ZNF782: variants seen among roughly 807,000 people sequenced by gnomAD.
ZNF782 encodes the protein zinc finger protein 782.
In ZNF782, 12 loss-of-function variants were observed where a neutral mutation model predicts 13.0. The observed-to-expected ratio is 0.92, with a 90% CI of 0.59 to 1.50. The LOEUF is 1.50. ZNF782 is among the 40% of genes most tolerant of loss of function. The pLI, the probability that ZNF782 is intolerant of heterozygous loss-of-function variation, is 0.00. For missense variants in ZNF782, 770 were observed against 822.9 expected (o/e 0.94, Z 0.79); for synonymous variants, 284 against 283.0 (o/e 1.00, Z -0.04).
intron 5 of ZNF782, among the ~76,000 whole-genome samples, chr9:96,823,399 G>GT (rs939994288): frequency 1.1e-4 from 17 of 152,282 alleles, no homozygotes; most frequent in African/African-American, 4.1e-4. Flanking sequence ...AACACTTGCA[G>GT]TTTTTTGTTT....
chr9:96,822,832 T>A (rs888564877), intron 5 of ZNF782, among the ~76,000 whole-genome samples: 3 of 152,344 alleles, frequency 2.0e-5, no homozygotes, highest in African/African-American at 7.2e-5. Context: ...TACTCTTTGA[T>A]TAAATATGTT....
intron 5 of ZNF782, among the ~76,000 whole-genome samples, chr9:96,825,139 T>C (rs1850572772): frequency 6.6e-6 from 1 of 152,100 alleles, no homozygotes; most frequent in African/African-American, 2.4e-5. Context: ...GGCATCACAC[T>C]ACCTGACTTC....
At chr9:96,837,468 G>C (rs1851036860) in intron 4 of ZNF782, among the ~76,000 whole-genome samples, 1 of 151,076 alleles carries the variant, frequency 6.6e-6, no homozygotes, top group South Asian at 2.1e-4. Context: ...CAATTTTGTT[G>C]GTTTTTTAAA....
At chr9:96,911,365 G>T in the ZNF782 span, among the ~76,000 whole-genome samples, 1 of 140,240 alleles carries the variant, frequency 7.1e-6, no homozygotes, top group Non-Finnish European at 1.5e-5. Context: ...CATGAACCCG[G>T]GAGGCGGAGC....
chr9:96,819,753 T>A lies in ZNF782; in HGVS notation c.270A>T (p.Ser90=), dbSNP rs1850344555. The change falls in exon 6 of 6, where the codon TCA becomes TCT. Residue 90 remains serine, a synonymous_variant. Transcript: ENST00000481138. Reference sequence around the variant, plus strand: ...TGCCTTGATTTTCTGGGCTCTTCTCTGAGATTTCATCAGGTTGGGAGTCTT... The same window carrying A: ...TGCCTTGATTTTCTGGGCTCTTCTCAGAGATTTCATCAGGTTGGGAGTCTT... ...SPEDSQPDEI[S]EKSPENQGKH... is the part of the protein sequence containing the mutation. The A allele has an allele frequency of 1.2e-6, 2 of 1,605,328 alleles. No homozygotes were observed. Among genetic ancestry groups the A allele is most frequent in the Non-Finnish European group, 1.7e-6 (2 of 1,176,756 alleles).
chr9:96,931,679 C>T, the ZNF782 span: 2 of 1,607,776 alleles, frequency 1.2e-6, no homozygotes, highest in Non-Finnish European at 1.7e-6. Context: ...TAGAGTGGAC[C>T]TGGAGACGCC....
chr9:96,868,192 A>G (rs1037037283), intron 1 of ZNF782, among the ~76,000 whole-genome samples: 1 of 152,250 alleles, frequency 6.6e-6, no homozygotes, highest in Non-Finnish European at 1.5e-5. Flanking sequence ...AATTTGCATC[A>G]GGCTTTCCAA....
the ZNF782 span, among the ~76,000 whole-genome samples, chr9:96,925,191 C>T: frequency 2.3e-4 from 35 of 152,134 alleles, no homozygotes; most frequent in Non-Finnish European, 3.5e-4. Context: ...CCGCCCGCCT[C>T]GAGGCTCCTA....
At chr9:96,886,208 GAA>G in the ZNF782 span, among the ~76,000 whole-genome samples, 4 of 88,408 alleles carry the variant, frequency 4.5e-5, no homozygotes, top group Admixed American at 2.6e-4. Context: ...TTTAAGTACA[GAA>G]AAAAAAAAAA....
At chr9:96,926,410 T>C in the ZNF782 span, among the ~76,000 whole-genome samples, 441 of 152,378 alleles carry the variant, frequency 2.9e-3, no homozygotes, top group Non-Finnish European at 4.8e-3. Flanking sequence ...AAGTTTACCA[T>C]GATTTTGCTT....
At chr9:96,912,673 C>G in the ZNF782 span, among the ~76,000 whole-genome samples, 1 of 151,454 alleles carries the variant, frequency 6.6e-6, no homozygotes, top group Non-Finnish European at 1.5e-5. Context: ...GAATTACAGG[C>G]GTATGCCATC....
the ZNF782 span, among the ~76,000 whole-genome samples, chr9:96,884,790 C>T: frequency 7.2e-5 from 11 of 152,206 alleles, no homozygotes; most frequent in African/African-American, 2.4e-4. Flanking sequence ...ACAAACACAC[C>T]CACCTGACCC....
intron 4 of ZNF782, 101 bp from the exon 5 acceptor site, chr9:96,827,282 C>A: frequency 3.0e-6 from 2 of 672,904 alleles, no homozygotes; most frequent in Non-Finnish European, 4.7e-6. Context: ...ATTCAGGGTG[C>A]TCACTGGACC....
intron 4 of ZNF782, among the ~76,000 whole-genome samples, chr9:96,839,725 A>T (rs1217276626): frequency 6.6e-6 from 1 of 152,122 alleles, no homozygotes; most frequent in Non-Finnish European, 1.5e-5. Context: ...TTTTGCAAAT[A>T]TCAACAGTTA....
At chr9:96,843,016 AACG>A (rs1174003497) in intron 4 of ZNF782, among the ~76,000 whole-genome samples, 3 of 152,140 alleles carry the variant, frequency 2.0e-5, no homozygotes, top group Non-Finnish European at 4.4e-5. Flanking sequence ...ACACCTGTTC[AACG>A]ACTAATACAT....
At chr9:96,887,203 A>C in the ZNF782 span, among the ~76,000 whole-genome samples, 359 of 150,436 alleles carry the variant, frequency 2.4e-3, 3 homozygotes, top group African/African-American at 8.2e-3. Flanking sequence ...AATCCCAGCT[A>C]CTCGGGAGGC....
At chr9:96,832,678 T>G (rs1850845495) in intron 4 of ZNF782, among the ~76,000 whole-genome samples, 1 of 152,186 alleles carries the variant, frequency 6.6e-6, no homozygotes, top group Non-Finnish European at 1.5e-5. Context: ...TAATAAGAAA[T>G]CCACTTGTAT....
rs945755685 is a variant in ZNF782 at position 96,845,620 on chromosome 9, G to A, written c.16-604C>T. ...ATTATCTCGTGCAGCTGTACACAGA[G>A]ATGCAGCATGATACATAACACAAAA... On this transcript the variant is annotated intron_variant, in intron 3 of 5. Transcript: ENST00000481138. Among the ~76,000 whole-genome samples, 9 of 152,252 alleles carry A rather than the reference G, an allele frequency of 5.9e-5. No homozygotes were observed. In the South Asian group the frequency reaches 1.7e-3, roughly 28 times the overall value.
the ZNF782 span, among the ~76,000 whole-genome samples, chr9:96,931,165 G>A: frequency 1.3e-5 from 2 of 152,102 alleles, no homozygotes; most frequent in Non-Finnish European, 2.9e-5. Flanking sequence ...TGGGATGACA[G>A]GCATGAACCA....
Sources: gnomAD v4.1 joint callset for allele counts (sites outside exome capture counted in the v4.1 genomes callset) on GRCh38, gnomAD v4.1.1 for gene constraint, MANE v1.5 for transcripts, NCBI Gene and HGNC (gene_info 2026-07-23, HGNC 2026-07-21) for gene names.